The following IRS1 variants were observed in gnomAD, a reference collection of about 807,000 sequenced individuals.
The protein encoded by IRS1 is insulin receptor substrate 1.
IRS1 carries 34 observed loss-of-function variants against 65.6 expected under a neutral mutation model. The ratio of observed to expected loss-of-function variants is 0.52; its 90% CI spans 0.39 to 0.69. The LOEUF (loss-of-function observed/expected upper bound fraction) is 0.69, where lower values mean the gene tolerates loss of function less well. IRS1 is among the 30% of genes least tolerant of loss of function. The pLI, the probability that IRS1 is intolerant of heterozygous loss-of-function variation, is 0.00. For synonymous variants in IRS1, 699 were observed against 683.5 expected (o/e 1.02, Z -0.35); for missense variants, 1,641 against 1,720.2 (o/e 0.95, Z 0.81).
intron 1 of IRS1, among the ~76,000 whole-genome samples, chr2:226,771,434 A>G (rs1362632507): frequency 1.3e-5 from 2 of 152,280 alleles, no homozygotes; most frequent in East Asian, 3.9e-4. Flanking sequence ...AGGTTGGAGG[A>G]AGGGTGAAAT....
chr2:226,760,441 C>T (rs1160572656), intron 1 of IRS1, among the ~76,000 whole-genome samples: 2 of 152,190 alleles, frequency 1.3e-5, no homozygotes, highest in Non-Finnish European at 2.9e-5. Context: ...AAGAGGATCT[C>T]ACAGATAGCA....
chr2:226,797,252 G>A lies in IRS1; in HGVS notation c.1487C>T (p.Pro496Leu), dbSNP rs1387734703. The A allele has an allele frequency of 4.3e-6, 7 of 1,613,606 alleles. No homozygotes were observed. The South Asian group carries it at 5.5e-5, about 13-fold the overall frequency. ...TGGACTCGTGCCCAAGCCTGTTCCT[G>A]GGGTGCAGCGGTGGCCATTGCCACC... is the stretch of plus-strand genomic sequence containing the variant. ...SRGGNGHRCTPGTGLGTSPAL... is the reference protein window; with the variant it reads ...SRGGNGHRCTLGTGLGTSPAL... Residue 496 changes from proline (P) to leucine (L), a missense_variant, in exon 1 of 2, where the codon CCA becomes CTA. Pro to Leu is a moderately conservative substitution (Grantham distance 98). Around this residue, in one of 3 missense-constraint regions of IRS1, gnomAD observed 1,324 missense variants for 1,361.0 expected, o/e 0.97. Transcript: ENST00000305123. The surrounding 1 kb of genome is among the most constrained non-coding windows in gnomAD (Gnocchi z 8.1).
chr2:226,782,031 C>A (rs1176634895), intron 1 of IRS1, among the ~76,000 whole-genome samples: 1 of 151,638 alleles, frequency 6.6e-6, no homozygotes, highest in African/African-American at 2.4e-5. Context: ...TATTAATATT[C>A]CTTAACCTAA....
At chr2:226,789,325 A>C (rs1484235031) in intron 1 of IRS1, among the ~76,000 whole-genome samples, 1 of 152,206 alleles carries the variant, frequency 6.6e-6, no homozygotes, top group Non-Finnish European at 1.5e-5. Flanking sequence ...GCTTCTGAAT[A>C]TATTGGCAAC....
intron 1 of IRS1, among the ~76,000 whole-genome samples, chr2:226,776,794 C>T (rs1939282843): frequency 6.6e-6 from 1 of 152,160 alleles, no homozygotes; most frequent in South Asian, 2.1e-4. Flanking sequence ...ATAATCCCAA[C>T]TACTCAGGTG....
At chr2:226,792,787 C>CTAA (rs1939636113) in intron 1 of IRS1, among the ~76,000 whole-genome samples, 1 of 151,954 alleles carries the variant, frequency 6.6e-6, no homozygotes, top group Non-Finnish European at 1.5e-5. Context: ...GGAGCAGAAG[C>CTAA]TGTTTGCCAC....
At chr2:226,757,933 G>C (rs1011330975) in intron 1 of IRS1, among the ~76,000 whole-genome samples, 2 of 152,174 alleles carry the variant, frequency 1.3e-5, no homozygotes, top group Non-Finnish European at 2.9e-5. Flanking sequence ...TATCACATTT[G>C]TGTTTTTAGC....
rs35319654 is a variant in IRS1, at chr2:226,796,954, C to G, written c.1785G>C (p.Arg595=). 7 of 1,564,522 alleles carry G rather than the reference C, an allele frequency of 4.5e-6. No homozygotes were observed. The highest frequency in any genetic ancestry group is 6.1e-6 in the Non-Finnish European group (7 of 1,151,564). The part of the protein sequence containing the change: ...EGLEMHPLER[R]GGHHRPDSST... ...AGCTGTCTGGGCGGTGGTGCCCCCC[C>G]CGACGCTCCAAGGGGTGCATTTCCA... The change falls in exon 1 of 2, where the codon CGG becomes CGC. Residue 595 remains arginine (R), a synonymous_variant. Transcript: ENST00000305123.
intron 1 of IRS1, among the ~76,000 whole-genome samples, chr2:226,739,529 G>T (rs1938395525): frequency 6.6e-6 from 1 of 152,220 alleles, no homozygotes; most frequent in Non-Finnish European, 1.5e-5. Flanking sequence ...AGCTTTGAGA[G>T]CCAAATATGG....
At chr2:226,746,845 AG>A (rs1354220893) in intron 1 of IRS1, among the ~76,000 whole-genome samples, 1 of 136,668 alleles carries the variant, frequency 7.3e-6, no homozygotes, top group Admixed American at 8.3e-5. Flanking sequence ...GCTGGGCTGC[AG>A]TGGCTTGATC....
In IRS1 at chr2:226,795,625, T is replaced by TGA; in HGVS notation, c.3112_3113dup (p.Ala1039GlnfsTer32). The TGA allele has an allele frequency of 6.2e-7, 1 of 1,612,628 alleles. No individual in the cohort carries two copies. Among genetic ancestry groups the TGA allele is most frequent in the Non-Finnish European group, 8.5e-7 (1 of 1,179,756 alleles). On this transcript the variant is annotated frameshift_variant, in exon 1 of 2. Transcript: ENST00000305123. LOFTEE classifies it high-confidence loss of function. ...GCCCAGTCGGGGAAGCAGAGGCTGC[T>TGA]GAGGATGAGGAGGCAGCAGCCATGG...
chr2:226,795,559 C>A lies in IRS1; in HGVS notation c.3180G>T (p.Leu1060=). 1 of 1,613,114 alleles carries A rather than the reference C, an allele frequency of 6.2e-7. No individual in the cohort carries two copies. Among genetic ancestry groups the A allele is most frequent in the East Asian group, 2.2e-5 (1 of 44,874 alleles). The change falls in exon 1 of 2, where the codon CTG becomes CTT. Residue 1060 remains leucine, a synonymous_variant. Coordinates refer to ENST00000305123, the MANE Select transcript of IRS1 (RefSeq NM_005544.3). ...TGCCCCCAGGTCCTTGTGGGCCCCC[C>A]AGCAGGGACGAGTGGGCAGCCAGCT... The part of the protein sequence containing the change: ...AAELAAHSSL[L]GGPQGPGGMS...
Position 226,797,323 on chromosome 2 carries a change from C to T in IRS1, c.1416G>A (p.Gly472=). ...LSNYICMGGK[G]PSTLTAPNGH... is the part of the protein sequence containing the mutation. ...CGTTGGGGGCGGTCAGGGTGGAGGG[C>T]CCCTTGCCACCCATGCAGATATAGT... The change falls in exon 1 of 2, where the codon GGG becomes GGA. Residue 472 remains glycine, a synonymous_variant. Transcript: ENST00000305123. The surrounding 1 kb of genome is among the most constrained non-coding windows in gnomAD (Gnocchi z 8.1). The T allele has an allele frequency of 6.2e-7, 1 of 1,613,378 alleles. No homozygotes were observed. Among genetic ancestry groups the T allele is most frequent in the Non-Finnish European group, 8.5e-7 (1 of 1,179,972 alleles).
At chr2:226,781,681 T>G (rs1939384947) in intron 1 of IRS1, among the ~76,000 whole-genome samples, 1 of 152,136 alleles carries the variant, frequency 6.6e-6, no homozygotes, top group Non-Finnish European at 1.5e-5. Flanking sequence ...GACACATTCT[T>G]CACCCAGTTC....
At chr2:226,758,737 C>T (rs148361939) in intron 1 of IRS1, among the ~76,000 whole-genome samples, 42 of 151,282 alleles carry the variant, frequency 2.8e-4, no homozygotes, top group African/African-American at 9.2e-4. Flanking sequence ...ATCATGTTTA[C>T]AGGGAGTTTA....
chr2:226,774,990 C>T (rs1939240567), intron 1 of IRS1, among the ~76,000 whole-genome samples: 1 of 152,078 alleles, frequency 6.6e-6, no homozygotes, highest in Non-Finnish European at 1.5e-5. Context: ...GGCCTTGATA[C>T]TATACTGCAT....
Position 226,798,752 on chromosome 2 carries a change from C to A in IRS1, c.-14G>T. 6.2e-7 allele frequency: 1 copy of A among 1,608,380 alleles called. No individual in the cohort carries two copies. Among genetic ancestry groups the A allele is most frequent in the Admixed American group, 1.7e-5 (1 of 59,094 alleles). On this transcript the variant is annotated 5_prime_UTR_variant, in exon 1 of 2. Coordinates refer to ENST00000305123, the MANE Select transcript of IRS1 (RefSeq NM_005544.3). The surrounding 1 kb of genome is among the most constrained non-coding windows in gnomAD (Gnocchi z 9.4). ...AGGGCTCGCCATGCTGCCACCGCCA[C>A]CACCAACGCTGAGCAGAGGGAGGCT...
Position 226,799,020 on chromosome 2 carries a change from C to G in IRS1, c.-282G>C. ...AGGGCAGCCCCGATCCTCCGAGAGC[C>G]AAGTCTCCTCTCAGCCGCCGCCGCC... On this transcript the variant is annotated 5_prime_UTR_variant, in exon 1 of 2. Coordinates refer to ENST00000305123, the MANE Select transcript of IRS1 (RefSeq NM_005544.3). The surrounding 1 kb of genome is among the most constrained non-coding windows in gnomAD (Gnocchi z 6.1). 7.1e-7 allele frequency: 1 copy of G among 1,401,488 alleles called. No individual in the cohort carries two copies. The highest frequency in any genetic ancestry group is 9.3e-7 in the Non-Finnish European group (1 of 1,072,010). The allele number at this position is 1,401,488 out of a possible 1,614,324, so 86.8% of individuals were successfully genotyped here. A position where few individuals can be genotyped will look rare whatever the true frequency, so the allele number is the denominator to read the frequency against.
intron 1 of IRS1, among the ~76,000 whole-genome samples, chr2:226,775,933 C>T (rs868717017): frequency 1.3e-5 from 2 of 149,136 alleles, no homozygotes; most frequent in Non-Finnish European, 3.0e-5. Context: ...TGCAACTATC[C>T]TTTTTTTTTT....
Sources: gnomAD v4.1 joint callset for allele counts (sites outside exome capture counted in the v4.1 genomes callset) on GRCh38, gnomAD v4.1.1 for gene constraint, gnomAD v4.1.1 regional missense constraint, Gnocchi (gnomAD v3.1) non-coding constraint, MANE v1.5 for transcripts, NCBI Gene and HGNC (gene_info 2026-07-23, HGNC 2026-07-21) for gene names.